Variants in AKAP13 observed in about 807,000 individuals in gnomAD.
The protein encoded by AKAP13 is A-kinase anchor protein 13.
AKAP13 carries 80 observed loss-of-function variants against 264.5 expected under a neutral mutation model. The observed-to-expected ratio is 0.30, with a 90% CI of 0.25 to 0.36. AKAP13 has a LOEUF of 0.36. AKAP13 is among the 10% of genes least tolerant of loss of function. The probability of loss-of-function intolerance (pLI) is 1.00; values close to 1 mark genes in which losing one functional copy is unlikely to be tolerated. For synonymous variants in AKAP13, 1,380 were observed against 1,250.2 expected (o/e 1.10, Z -2.19); for missense variants, 3,712 against 3,435.2 (o/e 1.08, Z -2.01).
chr15:85,437,755 G>A (rs1377260985), intron 1 of AKAP13, among the ~76,000 whole-genome samples: 1 of 152,164 alleles, frequency 6.6e-6, no homozygotes, highest in Non-Finnish European at 1.5e-5. Flanking sequence ...AAAAGCCTTT[G>A]GCAAAATTCA....
chr15:85,698,817 G>A (rs8034454), intron 17 of AKAP13, among the ~76,000 whole-genome samples: 44,472 of 151,058 alleles, frequency 0.29, 6,627 homozygotes, highest in East Asian at 0.38. Flanking sequence ...GGTGGTGCAC[G>A]CCTGTAATCC....
intron 16 of AKAP13, among the ~76,000 whole-genome samples, chr15:85,686,161 G>A (rs904485533): frequency 1.4e-4 from 19 of 135,182 alleles, no homozygotes; most frequent in Non-Finnish European, 1.6e-5. Flanking sequence ...GTGTGTGTGT[G>A]TGTGTATGTG....
chr15:85,527,438 G>A (rs529951544), intron 3 of AKAP13, among the ~76,000 whole-genome samples: 14 of 152,326 alleles, frequency 9.2e-5, no homozygotes, highest in Admixed American at 7.8e-4. Flanking sequence ...ACACAAATTT[G>A]TGGTATATCT....
rs772985186 is a variant in AKAP13 at position 85,578,930 on chromosome 15, A to G, written c.862A>G (p.Lys288Glu). The change falls in exon 7 of 37, where the codon AAA (lysine) becomes GAA (glutamate). Residue 288 changes from lysine (K) to glutamate (E), a missense_variant and splice_region_variant. Transcript: ENST00000394518. ...AAAAGTGTATTTCATTTCCTCCTAG[A>G]AAACAAACCTCAAGCAGATGGACAG... ...KLMNIQQQLM[K>E]TNLKQMDSLM... 5.0e-6 allele frequency: 8 copies of G among 1,602,150 alleles called. No individual in the cohort carries two copies. Among genetic ancestry groups the G allele is most frequent in the South Asian group, 1.1e-5 (1 of 90,736 alleles).
At chr15:85,568,712 C>T (rs534378917) in intron 5 of AKAP13, among the ~76,000 whole-genome samples, 96 of 152,072 alleles carry the variant, frequency 6.3e-4, no homozygotes, top group Non-Finnish European at 1.1e-3. Flanking sequence ...TAGGATGCTT[C>T]GCAGAATTAA....
chr15:85,616,161 C>T (rs2080928068), intron 8 of AKAP13, among the ~76,000 whole-genome samples: 3 of 152,130 alleles, frequency 2.0e-5, no homozygotes, highest in Non-Finnish European at 2.9e-5. Context: ...TATTCACTGG[C>T]CTTTGGTGTT....
chr15:85,413,810 C>A (rs541232225), intron 1 of AKAP13, among the ~76,000 whole-genome samples: 271 of 152,166 alleles, frequency 1.8e-3, no homozygotes, highest in Admixed American at 3.4e-3. Flanking sequence ...CAGTATCCCA[C>A]GTGCCCTACT....
At chr15:85,684,921 G>A (rs772927077) in intron 16 of AKAP13, 48 bp downstream of exon 16, 1 of 1,571,186 alleles carries the variant, frequency 6.4e-7, no homozygotes, top group Non-Finnish European at 8.6e-7. Context: ...GTAGGATCCT[G>A]TCACAGCCTG....
In AKAP13 at chr15:85,611,649, A is replaced by G. The variant is rs1291735712; in HGVS notation, c.4161+25826A>G. Among the ~76,000 whole-genome samples the G allele has an allele frequency of 3.3e-5, 5 of 152,214 alleles. 1 individual carries two copies. The highest frequency in any genetic ancestry group is 1.2e-4 in the African/African-American group (5 of 41,448). ...TCTTTTGAGCGTATTCCAGAAAAAT[A>G]TATTTTTGAAATACAGATGCGATCC... On this transcript the variant is annotated intron_variant, in intron 8 of 36. Coordinates refer to ENST00000394518, the MANE Select transcript of AKAP13 (RefSeq NM_007200.5).
chr15:85,741,729 CAAAA>C (rs112524984), intron 35 of AKAP13, among the ~76,000 whole-genome samples: 65 of 82,320 alleles, frequency 7.9e-4, no homozygotes, highest in African/African-American at 2.0e-3. Flanking sequence ...AACAAACAAA[CAAAA>C]AAAAAAAACA....
In AKAP13 at chr15:85,393,245, C is replaced by T. The variant is rs915969615; in HGVS notation, c.-12+12447C>T. ...CCTCTTGGATGCTTTGTACACAGAG[C>T]GGCTGGGCTCAGAATAGAAAGGAAC... On this transcript the variant is annotated intron_variant, in intron 1 of 36. Coordinates refer to ENST00000394518, the MANE Select transcript of AKAP13 (RefSeq NM_007200.5). Among the ~76,000 whole-genome samples, 9 of 152,276 alleles carry T rather than the reference C, an allele frequency of 5.9e-5. No homozygotes were observed. In the East Asian group the frequency reaches 1.2e-3, roughly 20 times the overall value.
rs1160050565 is a variant in AKAP13 at position 85,458,386 on chromosome 15, G to GTTTTTTT, written c.-11-27318_-11-27317insTTTTTTT. 1.4e-4 allele frequency among the ~76,000 whole-genome samples: 15 copies of GTTTTTTT among 103,882 alleles called. 1 individual carries two copies. The highest frequency in any genetic ancestry group is 7.2e-4 in the African/African-American group (14 of 19,550). 68.2% of individuals were successfully genotyped at this position (103,882 alleles called of 152,430 possible). On this transcript the variant is annotated intron_variant, in intron 1 of 36. Coordinates refer to ENST00000394518, the MANE Select transcript of AKAP13 (RefSeq NM_007200.5). ...TTTTTTCTCTTTTTTTGTATTTTTT[G>GTTTTTTT]TTTTTTGTTTTTTTTTTTTTTTACT...
chr15:85,693,941 T>G (rs989034103), intron 17 of AKAP13, among the ~76,000 whole-genome samples: 1 of 152,236 alleles, frequency 6.6e-6, no homozygotes. Flanking sequence ...TGTATTTAAA[T>G]GCATTTTTGA....
In AKAP13 at chr15:85,741,276, G is replaced by T. The variant is rs771274670; in HGVS notation, c.7839G>T (p.Arg2613=). Residue 2613 remains arginine, a synonymous_variant, in exon 35 of 37, where the codon CGG becomes CGT. Transcript: ENST00000394518. ...REWEAREREL[R]EREALLAQRE... is the part of the protein sequence containing the mutation. Reference sequence around the variant, plus strand: ...GGGAAGCTCGTGAGAGGGAGCTGCGGGAGCGGGAGGCCCTCCTGGCCCAGC... The same window carrying T: ...GGGAAGCTCGTGAGAGGGAGCTGCGTGAGCGGGAGGCCCTCCTGGCCCAGC... 1.2e-6 allele frequency: 2 copies of T among 1,610,304 alleles called. No individual in the cohort carries two copies. Among genetic ancestry groups the T allele is most frequent in the Admixed American group, 3.4e-5 (2 of 59,418 alleles).
At chr15:85,704,150 A>G (rs1234151351) in intron 17 of AKAP13, among the ~76,000 whole-genome samples, 1 of 152,220 alleles carries the variant, frequency 6.6e-6, no homozygotes, top group East Asian at 1.9e-4. Flanking sequence ...ATCTGTAGGC[A>G]GAACAGTCAG....
intron 9 of AKAP13, among the ~76,000 whole-genome samples, chr15:85,639,729 C>T (rs1203337483): frequency 1.3e-5 from 2 of 152,186 alleles, no homozygotes; most frequent in Non-Finnish European, 2.9e-5. Context: ...GATTTTTAAT[C>T]TGGTAAAAGT....
intron 5 of AKAP13, among the ~76,000 whole-genome samples, chr15:85,550,458 T>C (rs1452111099): frequency 1.3e-5 from 2 of 152,198 alleles, no homozygotes; most frequent in East Asian, 3.9e-4. Context: ...CTCAAGTCCT[T>C]CTTACAAGAC....
intron 1 of AKAP13, among the ~76,000 whole-genome samples, chr15:85,422,477 C>T (rs910508574): frequency 3.3e-5 from 5 of 152,190 alleles, no homozygotes; most frequent in Admixed American, 6.5e-5. Context: ...ACCATTTTGA[C>T]TAATCTTTAA....
intron 3 of AKAP13, among the ~76,000 whole-genome samples, chr15:85,521,835 G>A (rs554608171): frequency 6.6e-6 from 1 of 152,156 alleles, no homozygotes; most frequent in African/African-American, 2.4e-5. Context: ...TTAAGAACTG[G>A]GATTATGACA....
Sources: gnomAD v4.1 joint callset for allele counts (sites outside exome capture counted in the v4.1 genomes callset) on GRCh38, gnomAD v4.1.1 for gene constraint, MANE v1.5 for transcripts, NCBI Gene and HGNC (gene_info 2026-07-23, HGNC 2026-07-21) for gene names.